The following HECW2 variants were observed in gnomAD, a reference collection of about 807,000 sequenced individuals.
The protein encoded by HECW2 is HECT, C2 and WW domain containing E3 ubiquitin protein ligase 2, also known as E3 ubiquitin-protein ligase HECW2.
In HECW2, 61 loss-of-function variants were observed where a neutral mutation model predicts 175.2. The ratio of observed to expected loss-of-function variants is 0.35; its 90% CI spans 0.28 to 0.43. The LOEUF (loss-of-function observed/expected upper bound fraction) is 0.43, where lower values mean the gene tolerates loss of function less well. Ranked by LOEUF, HECW2 falls within the 20% of genes least tolerant of loss-of-function variation. The pLI is 1.00. For missense variants in HECW2, 1,524 were observed against 2,000.5 expected, an observed-to-expected ratio of 0.76 and a Z score of 4.54; for synonymous variants, 671 against 731.0, an observed-to-expected ratio of 0.92 and a Z score of 1.32.
chr2:196,216,127 C>T (rs1687467026), intron 27 of HECW2, 150 bp from the exon 28 acceptor site: 1 of 606,892 alleles, frequency 1.6e-6, no homozygotes, highest in South Asian at 2.0e-5. Flanking sequence ...AATCACAACA[C>T]AATTCTGACA....
chr2:196,248,832 C>T (rs1025384227), intron 19 of HECW2, among the ~76,000 whole-genome samples: 5 of 152,124 alleles, frequency 3.3e-5, no homozygotes, highest in Admixed American at 2.6e-4. Flanking sequence ...CACAACCCAT[C>T]CCCTCAAGAC....
At chr2:196,432,220 T>C (rs906543703) in intron 2 of HECW2, among the ~76,000 whole-genome samples, 7 of 152,126 alleles carry the variant, frequency 4.6e-5, no homozygotes, top group African/African-American at 1.7e-4. Context: ...GGTCTTTTTT[T>C]CCTCTGATTT....
chr2:196,306,978 G>A, intron 12 of HECW2, 152 bp downstream of exon 12: 1 of 574,240 alleles, frequency 1.7e-6, no homozygotes, highest in Admixed American at 3.1e-5. Context: ...GATTAGAAGA[G>A]GTTTCTGGTG....
chr2:196,364,106 T>C (rs1693678570), intron 2 of HECW2, among the ~76,000 whole-genome samples: 1 of 152,208 alleles, frequency 6.6e-6, no homozygotes, highest in Non-Finnish European at 1.5e-5. Context: ...GGTCTCTGAA[T>C]CCCACCTGAG....
intron 2 of HECW2, among the ~76,000 whole-genome samples, chr2:196,376,369 G>A (rs1390068321): frequency 6.6e-6 from 1 of 152,188 alleles, no homozygotes; most frequent in Non-Finnish European, 1.5e-5. Context: ...AGTGGCTCAT[G>A]CCTGTAATCC....
chr2:196,427,129 A>T (rs1323582716), intron 2 of HECW2, among the ~76,000 whole-genome samples: 1 of 75,430 alleles, frequency 1.3e-5, no homozygotes, highest in Non-Finnish European at 3.1e-5. Context: ...ACTTACATCA[A>T]GAAACTTCAG....
chr2:196,238,635 G>C (rs1349674335), intron 21 of HECW2: 2 of 152,148 alleles, frequency 1.3e-5, no homozygotes, highest in African/African-American at 4.8e-5. Flanking sequence ...CATATGCAGA[G>C]TGAACAGATT....
intron 14 of HECW2, chr2:196,291,206 G>C (rs928594636): frequency 6.6e-6 from 1 of 152,062 alleles, no homozygotes; most frequent in African/African-American, 2.4e-5. Context: ...CATTTGCCTT[G>C]AATGTTGATA....
intron 2 of HECW2, among the ~76,000 whole-genome samples, chr2:196,412,448 A>T (rs1308231559): frequency 6.6e-6 from 1 of 152,216 alleles, no homozygotes; most frequent in Non-Finnish European, 1.5e-5. Context: ...CGACTTCAAC[A>T]TATGAATTTG....
chr2:196,245,354 A>G (rs571769612), intron 19 of HECW2, among the ~76,000 whole-genome samples: 1 of 152,344 alleles, frequency 6.6e-6, no homozygotes, highest in East Asian at 1.9e-4. Context: ...TTCCTGTCCA[A>G]GTCATATTCC....
intron 25 of HECW2, 118 bp from the exon 26 acceptor site, chr2:196,220,271 T>C (rs1259963703): frequency 1.5e-6 from 1 of 672,770 alleles, no homozygotes; most frequent in East Asian, 2.7e-5. Context: ...GTACCTTGTG[T>C]TGGCACTTGA....
intron 2 of HECW2, among the ~76,000 whole-genome samples, chr2:196,345,314 A>G (rs896770689): frequency 1.3e-5 from 2 of 152,166 alleles, no homozygotes; most frequent in Admixed American, 1.3e-4. Flanking sequence ...CTGAGCTTCT[A>G]CCTTGCCAAC....
Position 196,292,738 on chromosome 2 carries a change from T to C in HECW2, c.2827A>G (p.Met943Val). The C allele has an allele frequency of 1.2e-6, 2 of 1,612,852 alleles. No individual in the cohort carries two copies. Among genetic ancestry groups the C allele is most frequent in the Non-Finnish European group, 1.7e-6 (2 of 1,178,974 alleles). Residue 943 changes from methionine to valine, a missense_variant, in exon 14 of 29, where the codon ATG (methionine) becomes GTG (valine). Physicochemically the swap from Met to Val is conservative, Grantham distance 21 (BLOSUM62 1). Around this residue, in one of 11 missense-constraint regions of HECW2, gnomAD observed 105 missense variants for 98.1 expected, o/e 1.07. Coordinates refer to ENST00000644978, the MANE Select transcript of HECW2 (RefSeq NM_001348768.2). ...TTCAAACACGTGTTGTTTGTAAACATGCGGTAGGCACTCTAAAGAAAAGAA... is the reference window on the plus strand; with the variant it reads ...TTCAAACACGTGTTGTTTGTAAACACGCGGTAGGCACTCTAAAGAAAAGAA... Reference protein sequence around the residue: ...VLHSNPSAYRMFTNNTCLKHM... With the variant: ...VLHSNPSAYRVFTNNTCLKHM...
chr2:196,573,981 G>C (rs1432491401), intron 1 of HECW2, among the ~76,000 whole-genome samples: 1 of 151,816 alleles, frequency 6.6e-6, no homozygotes, highest in Non-Finnish European at 1.5e-5. Context: ...AGGAGTTCAA[G>C]ACCAGCCTGG....
At position 196,325,075 on chromosome 2, in the gene HECW2, C is replaced by T; in HGVS notation, c.646G>A (p.Gly216Arg). The T allele has an allele frequency of 6.2e-7, 1 of 1,612,722 alleles. No homozygotes were observed. The highest frequency in any genetic ancestry group is 8.5e-7 in the Non-Finnish European group (1 of 1,179,476). The change falls in exon 6 of 29, where the codon GGA becomes AGA. Residue 216 changes from glycine to arginine, a missense_variant. Coordinates refer to ENST00000644978, the MANE Select transcript of HECW2 (RefSeq NM_001348768.2). ...CAGGTGGGGAAACTGCTCTTCTTTC[C>T]TGGCTGAATTGACATCTTAAGATAA... ...DPYLKMSIQP[G>R]KKSSFPTCAH...
At chr2:196,319,989 G>T in intron 8 of HECW2, 85 bp from the exon 9 acceptor site, 1 of 1,342,768 alleles carries the variant, frequency 7.4e-7, no homozygotes, top group Non-Finnish European at 1.0e-6. Flanking sequence ...CCACCAATAA[G>T]TTCAAAGAAA....
chr2:196,369,127 T>C (rs1693836093), intron 2 of HECW2, among the ~76,000 whole-genome samples: 1 of 152,164 alleles, frequency 6.6e-6, no homozygotes, highest in Non-Finnish European at 1.5e-5. Context: ...TTTGAAGGTA[T>C]TCCAGATATT....
At chr2:196,431,106 A>G (rs1695699213) in intron 2 of HECW2, among the ~76,000 whole-genome samples, 1 of 152,212 alleles carries the variant, frequency 6.6e-6, no homozygotes, top group Non-Finnish European at 1.5e-5. Flanking sequence ...CATGAGAAAG[A>G]CACAGAAGCT....
At chr2:196,353,551 G>A (rs1325822409) in intron 2 of HECW2, among the ~76,000 whole-genome samples, 2 of 152,152 alleles carry the variant, frequency 1.3e-5, no homozygotes, top group Non-Finnish European at 2.9e-5. Context: ...TGGTTGAATG[G>A]AAGATATTGA....
Sources: allele counts gnomAD v4.1 joint callset (sites outside exome capture counted in the v4.1 genomes callset), GRCh38; gene constraint gnomAD v4.1.1; regional missense constraint gnomAD v4.1.1; transcripts MANE v1.5; gene names NCBI Gene and HGNC (gene_info 2026-07-23, HGNC 2026-07-21).